DRAXIN: variants seen among roughly 807,000 people sequenced by gnomAD.
The protein encoded by DRAXIN is dorsal repulsive axon guidance protein.
A neutral mutation model predicts 33.9 loss-of-function variants in DRAXIN; 27 were observed. That is an observed-to-expected ratio of 0.80 (90% confidence interval 0.59 to 1.10). DRAXIN has a LOEUF of 1.10. Ranked by LOEUF, DRAXIN falls within the 50% of genes least tolerant of loss-of-function variation. The pLI, the probability that DRAXIN is intolerant of heterozygous loss-of-function variation, is 0.00. For synonymous variants in DRAXIN, 178 were observed against 194.0 expected (o/e 0.92, Z 0.69); for missense variants, 371 against 460.8 (o/e 0.81, Z 1.78).
intron 1 of DRAXIN, among the ~76,000 whole-genome samples, chr1:11,702,690 C>T (rs1228212430): frequency 6.6e-6 from 1 of 152,054 alleles, no homozygotes; most frequent in African/African-American, 2.4e-5. Context: ...GATGCTCACA[C>T]ACACACACTC....
Position 11,712,054 on chromosome 1 carries a change from C to G in DRAXIN, c.757+89C>G, listed in dbSNP as rs1033513724. 3 of 1,265,394 alleles carry G rather than the reference C, an allele frequency of 2.4e-6. No homozygotes were observed. In the Admixed American group the frequency reaches 5.9e-5, roughly 25 times the overall value. The allele number at this position is 1,265,394 out of a possible 1,614,324, so 78.4% of individuals were successfully genotyped here. ...AGGTGGGGGCCCCAGTGAGCCCTGT[C>G]TGATCTTCAGATGTCCAAAGGTGGG... On this transcript the variant is annotated intron_variant, in intron 4 of 6. Transcript: ENST00000294485.
Position 11,711,847 on chromosome 1 carries a change from C to G in DRAXIN, c.643-4C>G. ...CCAACATCCCCCTTCTCCACGGTCT[C>G]CAGCAGGCACAGCCCAGGTCTGACG... On this transcript the variant is annotated splice_region_variant and splice_polypyrimidine_tract_variant and intron_variant, in intron 3 of 6. Coordinates refer to ENST00000294485, the MANE Select transcript of DRAXIN (RefSeq NM_198545.4). The G allele has an allele frequency of 6.2e-7, 1 of 1,611,338 alleles. No individual in the cohort carries two copies.
intron 6 of DRAXIN, 85 bp downstream of exon 6, chr1:11,715,293 T>C: frequency 6.5e-7 from 1 of 1,534,888 alleles, no homozygotes; most frequent in Non-Finnish European, 9.0e-7. Flanking sequence ...CTGCACCGAG[T>C]GGGGAACAAG....
rs908857131 is a variant in DRAXIN, at chr1:11,694,240, T to C, written c.-11+2387T>C. ...GTAGGGGCTCTGTGCACACCTGTTA[T>C]ATTGAATGTGATTCCTGGTCAAAGG... On this transcript the variant is annotated intron_variant, in intron 1 of 6. Transcript: ENST00000294485. The surrounding 1 kb of genome is among the most constrained non-coding windows in gnomAD (Gnocchi z 4.9). Among the ~76,000 whole-genome samples the C allele has an allele frequency of 6.6e-6, 1 of 152,062 alleles. No individual in the cohort carries two copies. Among genetic ancestry groups the C allele is most frequent in the African/African-American group, 2.4e-5 (1 of 41,384 alleles).
intron 6 of DRAXIN, among the ~76,000 whole-genome samples, chr1:11,717,828 C>CGA (rs1641600252): frequency 9.1e-6 from 1 of 110,018 alleles, no homozygotes; most frequent in Non-Finnish European, 1.7e-5. Context: ...ACCAAAAATA[C>CGA]AAAAAAAAAA....
rs115432869 is a variant in DRAXIN, at chr1:11,698,275, A to G, written c.-11+6422A>G. The stretch of plus-strand genomic sequence containing the variant: ...TTAGAATCCATACAGTTGTTCCCCA[A>G]CTCTCATGTAGGATATGACTGTTTT... On this transcript the variant is annotated intron_variant, in intron 1 of 6. Coordinates refer to ENST00000294485, the MANE Select transcript of DRAXIN (RefSeq NM_198545.4). Among the ~76,000 whole-genome samples the G allele has an allele frequency of 2.8e-3, 432 of 152,222 alleles. 2 individuals carry two copies. Among genetic ancestry groups the G allele is most frequent in the East Asian group, 4.6e-3 (24 of 5,180 alleles).
intron 5 of DRAXIN, among the ~76,000 whole-genome samples, chr1:11,712,679 A>G (rs917798068): frequency 1.3e-5 from 2 of 151,910 alleles, no homozygotes; most frequent in Non-Finnish European, 2.9e-5. Context: ...CGGGTGGAAC[A>G]CCTGAGGTCA....
rs1641636390 is a variant in DRAXIN, at chr1:11,719,879, G to T, written c.*183G>T. On this transcript the variant is annotated 3_prime_UTR_variant, in exon 7 of 7. Transcript: ENST00000294485. ...GAGCTGGGTGGGTGCCCAGGAGCCGGCCCGCAGCACCTGCACACACGAAGT... is the reference window on the plus strand; with the variant it reads ...GAGCTGGGTGGGTGCCCAGGAGCCGTCCCGCAGCACCTGCACACACGAAGT... 3 of 600,116 alleles carry T rather than the reference G, an allele frequency of 5.0e-6. No homozygotes were observed. Among genetic ancestry groups the T allele is most frequent in the Non-Finnish European group, 9.0e-6 (3 of 333,648 alleles). The allele number at this position is 600,116 out of a possible 1,614,324, so 37.2% of individuals were successfully genotyped here. A position where few individuals can be genotyped will look rare whatever the true frequency, so the allele number is the denominator to read the frequency against.
In DRAXIN at chr1:11,717,389, G is replaced by GC. The variant is rs1401936248; in HGVS notation, c.937+2181_937+2182insC. Among the ~76,000 whole-genome samples, 55 of 147,844 alleles carry GC rather than the reference G, an allele frequency of 3.7e-4. No individual in the cohort carries two copies. The Middle Eastern group carries it at 0.011, about 31-fold the overall frequency. ...GACAGAAGTGGGCATTGGAGGCCAGGGGAGTGGTTCATGCCTGTAATCTCA... is the reference window on the plus strand; with the variant it reads ...GACAGAAGTGGGCATTGGAGGCCAGGCGGAGTGGTTCATGCCTGTAATCTCA... On this transcript the variant is annotated intron_variant, in intron 6 of 6. Transcript: ENST00000294485.
upstream of DRAXIN, among the ~76,000 whole-genome samples, chr1:11,690,189 T>TC (rs1351552510): frequency 6.6e-6 from 1 of 152,170 alleles, no homozygotes; most frequent in Non-Finnish European, 1.5e-5. This position sits in a 1 kb window ranked among gnomAD's most constrained non-coding sequence, Gnocchi z 4.2. Flanking sequence ...TTCACTAGAA[T>TC]CTGAGCTCCA....
chr1:11,687,349 C>T (rs1315511533), upstream of DRAXIN, among the ~76,000 whole-genome samples: 1 of 152,236 alleles, frequency 6.6e-6, no homozygotes, highest in African/African-American at 2.4e-5. The surrounding 1 kb of genome is among the most constrained non-coding windows in gnomAD (Gnocchi z 4.1). Flanking sequence ...AAGCGATTCT[C>T]CTGCCTCAGC....
intron 4 of DRAXIN, 41 bp from the exon 5 acceptor site, chr1:11,712,299 G>T: frequency 6.2e-7 from 1 of 1,611,232 alleles, no homozygotes. Context: ...CCTCTGCTCT[G>T]CTGGGCCCCA....
At chr1:11,687,039 T>C (rs907243116), upstream of DRAXIN, among the ~76,000 whole-genome samples, 3 of 152,108 alleles carry the variant, frequency 2.0e-5, no homozygotes, top group African/African-American at 7.2e-5. The surrounding 1 kb of genome is among the most constrained non-coding windows in gnomAD (Gnocchi z 4.1). Context: ...CTACTTTCTG[T>C]TCTATGGATT....
chr1:11,712,352 G>A lies in DRAXIN; in HGVS notation c.770G>A (p.Gly257Asp). Residue 257 changes from glycine to aspartate, a missense_variant, in exon 5 of 7, where the codon GGT (glycine) becomes GAT (aspartate). Gly to Asp is a moderately conservative substitution (Grantham distance 94). Coordinates refer to ENST00000294485, the MANE Select transcript of DRAXIN (RefSeq NM_198545.4). Reference protein sequence around the residue: ...PSAKKKEKHRGKLSSDGNETS... With the variant: ...PSAKKKEKHRDKLSSDGNETS... ...TTCTTATCCCCAGAGAAACACCGCG[G>A]TAAACTCTCCAGTGATGGTAACGAA... The A allele has an allele frequency of 1.2e-6, 2 of 1,614,042 alleles. No homozygotes were observed. Among genetic ancestry groups the A allele is most frequent in the Non-Finnish European group, 1.7e-6 (2 of 1,179,994 alleles).
intron 1 of DRAXIN, among the ~76,000 whole-genome samples, chr1:11,698,724 G>A (rs1247914412): frequency 6.6e-6 from 1 of 152,166 alleles, no homozygotes; most frequent in African/African-American, 2.4e-5. Flanking sequence ...TGGCATGATG[G>A]TTTGTGGCTG....
chr1:11,695,257 C>T (rs1213535794), intron 1 of DRAXIN, among the ~76,000 whole-genome samples: 2 of 152,144 alleles, frequency 1.3e-5, no homozygotes, highest in Non-Finnish European at 2.9e-5. Flanking sequence ...CCTACACAGC[C>T]ATTGTTGCTA....
chr1:11,705,996 G>A lies in DRAXIN; in HGVS notation c.-10-253G>A, dbSNP rs1204239708. On this transcript the variant is annotated intron_variant, in intron 1 of 6. Coordinates refer to ENST00000294485, the MANE Select transcript of DRAXIN (RefSeq NM_198545.4). The surrounding 1 kb of genome is among the most constrained non-coding windows in gnomAD (Gnocchi z 4.8). ...CTCGGTACTGTTGTTTTTCTGGGCC[G>A]GATGATTCTTGGTTTCGGGGGCTGT... is the stretch of plus-strand genomic sequence containing the variant. Among the ~76,000 whole-genome samples, 4 of 152,214 alleles carry A rather than the reference G, an allele frequency of 2.6e-5. No individual in the cohort carries two copies. Among genetic ancestry groups the A allele is most frequent in the South Asian group, 2.1e-4 (1 of 4,822 alleles).
rs530412130 is a variant in DRAXIN at position 11,721,613 on chromosome 1, A to G, written c.*1917A>G. 35 of 152,402 alleles carry G rather than the reference A, an allele frequency of 2.3e-4. No individual in the cohort carries two copies. The highest frequency in any genetic ancestry group is 4.8e-4 in the Non-Finnish European group (33 of 68,074). The allele number at this position is 152,402 out of a possible 1,614,324, so 9.4% of individuals were successfully genotyped here. A position where few individuals can be genotyped will look rare whatever the true frequency, so the allele number is the denominator to read the frequency against. Reference sequence around the variant, plus strand: ...AAATATGCTTGTTCTCTCCCTATCCAAGTTTGATGGGCATGGGAACCTTGT... The same window carrying G: ...AAATATGCTTGTTCTCTCCCTATCCGAGTTTGATGGGCATGGGAACCTTGT... On this transcript the variant is annotated 3_prime_UTR_variant, in exon 7 of 7. Transcript: ENST00000294485.
At chr1:11,708,202 T>C (rs570115725) in intron 2 of DRAXIN, among the ~76,000 whole-genome samples, 1 of 152,324 alleles carries the variant, frequency 6.6e-6, no homozygotes, top group East Asian at 1.9e-4. Context: ...GGGCTCCGGC[T>C]CCGCCAGCTC....
Sources: gnomAD v4.1 joint callset for allele counts (sites outside exome capture counted in the v4.1 genomes callset) on GRCh38, gnomAD v4.1.1 for gene constraint, Gnocchi (gnomAD v3.1) non-coding constraint, MANE v1.5 for transcripts, NCBI Gene and HGNC (gene_info 2026-07-23, HGNC 2026-07-21) for gene names.